Variants in GPC6 observed in about 807,000 individuals in gnomAD.
GPC6 encodes glypican-6.
Under a neutral mutation model 55.2 loss-of-function variants are expected in GPC6, and 14 were observed. The ratio of observed to expected loss-of-function variants is 0.25; its 90% CI spans 0.17 to 0.40. The LOEUF is 0.40. GPC6 is among the 10% of genes least tolerant of loss of function. The pLI is 1.00. For missense variants in GPC6, 641 were observed against 708.5 expected (o/e 0.90, Z 1.08); for synonymous variants, 278 against 259.6 (o/e 1.07, Z -0.68).
At chr13:93,459,826 A>T (rs1566368861) in intron 1 of GPC6, among the ~76,000 whole-genome samples, 1 of 152,210 alleles carries the variant, frequency 6.6e-6, no homozygotes, top group Non-Finnish European at 1.5e-5. Context: ...CTGGATTTTA[A>T]TAAGATATCA....
intron 1 of GPC6, among the ~76,000 whole-genome samples, chr13:93,533,043 T>C (rs7987887): frequency 0.18 from 27,118 of 152,200 alleles, 2,779 homozygotes; most frequent in East Asian, 0.29. Flanking sequence ...GGAAGATTTC[T>C]GATTATTGTG....
chr13:93,858,198 G>A (rs998351843), intron 3 of GPC6, among the ~76,000 whole-genome samples: 2 of 151,246 alleles, frequency 1.3e-5, no homozygotes, highest in African/African-American at 2.4e-5. Context: ...ATCTTTATTC[G>A]TACAATTAAA....
intron 4 of GPC6, among the ~76,000 whole-genome samples, chr13:94,028,709 C>G (rs1001272705): frequency 4.6e-5 from 7 of 152,140 alleles, no homozygotes; most frequent in Admixed American, 1.3e-4. Flanking sequence ...CTTCCAGTCT[C>G]TAGAGGGCAG....
chr13:93,724,994 G>A (rs1883584150), intron 2 of GPC6, among the ~76,000 whole-genome samples: 1 of 152,094 alleles, frequency 6.6e-6, no homozygotes, highest in African/African-American at 2.4e-5. Flanking sequence ...TTAAAAAAAA[G>A]TGCCTTCTGT....
intron 6 of GPC6, among the ~76,000 whole-genome samples, chr13:94,364,507 C>CAGTT (rs1219161599): frequency 6.6e-6 from 1 of 152,206 alleles, no homozygotes; most frequent in East Asian, 1.9e-4. Flanking sequence ...TAAGTACTTC[C>CAGTT]AGTTCCAAGT....
chr13:93,322,539 C>A (rs954162280), intron 1 of GPC6, among the ~76,000 whole-genome samples: 1 of 143,260 alleles, frequency 7.0e-6, no homozygotes, highest in Non-Finnish European at 1.5e-5. Flanking sequence ...TGGGTTCAAG[C>A]GATTCTCCTG....
intron 2 of GPC6, among the ~76,000 whole-genome samples, chr13:93,778,793 A>G (rs1032831997): frequency 6.6e-6 from 1 of 152,170 alleles, no homozygotes; most frequent in Non-Finnish European, 1.5e-5. Context: ...CATACAGCCA[A>G]GTCTTTCCCA....
intron 2 of GPC6, among the ~76,000 whole-genome samples, chr13:93,581,146 G>T (rs1876917906): frequency 1.3e-5 from 2 of 152,112 alleles, no homozygotes; most frequent in African/African-American, 4.8e-5. Context: ...AAACTAAAAA[G>T]GCTGACTCTC....
intron 4 of GPC6, among the ~76,000 whole-genome samples, chr13:94,281,509 C>T (rs1259212330): frequency 6.6e-6 from 1 of 152,172 alleles, no homozygotes; most frequent in Non-Finnish European, 1.5e-5. Flanking sequence ...CAGTGGCATT[C>T]AGCAAAGCCA....
At chr13:94,006,474 G>A (rs1046774394) in intron 3 of GPC6, among the ~76,000 whole-genome samples, 1 of 152,186 alleles carries the variant, frequency 6.6e-6, no homozygotes, top group African/African-American at 2.4e-5. Context: ...TCCAGAACAG[G>A]CAAGAATGTG....
At chr13:93,814,326 A>T (rs1886783491) in intron 2 of GPC6, among the ~76,000 whole-genome samples, 1 of 152,132 alleles carries the variant, frequency 6.6e-6, no homozygotes, top group Non-Finnish European at 1.5e-5. Context: ...TTAATTATTG[A>T]TTTTTATTTT....
At chr13:93,479,829 G>A (rs1879448295) in intron 1 of GPC6, among the ~76,000 whole-genome samples, 1 of 152,088 alleles carries the variant, frequency 6.6e-6, no homozygotes, top group Non-Finnish European at 1.5e-5. Flanking sequence ...ATAATCATAC[G>A]GTGTAGTCTT....
At chr13:94,097,109 A>G (rs1454080168) in intron 4 of GPC6, among the ~76,000 whole-genome samples, 1 of 152,032 alleles carries the variant, frequency 6.6e-6, no homozygotes, top group Non-Finnish European at 1.5e-5. Flanking sequence ...ATCTAGTATC[A>G]TTAACATTTG....
chr13:94,328,662 A>G (rs1180446427), intron 6 of GPC6, among the ~76,000 whole-genome samples: 1 of 152,356 alleles, frequency 6.6e-6, no homozygotes, highest in African/African-American at 2.4e-5. Flanking sequence ...TTGTATATAA[A>G]TTATAAACAA....
chr13:94,163,427 C>A (rs770620545), intron 4 of GPC6, among the ~76,000 whole-genome samples: 72 of 151,772 alleles, frequency 4.7e-4, no homozygotes, highest in Non-Finnish European at 9.6e-4. Flanking sequence ...GTATGTATCT[C>A]CAAGAAATAG....
At chr13:93,646,332 A>G (rs988013747) in intron 2 of GPC6, among the ~76,000 whole-genome samples, 9 of 152,164 alleles carry the variant, frequency 5.9e-5, no homozygotes, top group African/African-American at 2.2e-4. Context: ...TTCATTATAA[A>G]GTGAAGACGT....
chr13:93,742,174 T>C (rs926319953), intron 2 of GPC6, among the ~76,000 whole-genome samples: 3 of 152,174 alleles, frequency 2.0e-5, no homozygotes, highest in African/African-American at 7.2e-5. Context: ...GAGATCTGTC[T>C]TCAAACTGAA....
At chr13:93,358,180 C>G (rs1056514730) in intron 1 of GPC6, among the ~76,000 whole-genome samples, 1 of 151,994 alleles carries the variant, frequency 6.6e-6, no homozygotes, top group African/African-American at 2.4e-5. Flanking sequence ...GACGCTGTCT[C>G]TACAAAAAAT....
At chr13:94,289,081 GCC>G (rs1874798423) in intron 5 of GPC6, among the ~76,000 whole-genome samples, 1 of 150,414 alleles carries the variant, frequency 6.6e-6, no homozygotes, top group African/African-American at 2.4e-5. Context: ...CTAGAACACA[GCC>G]CAGCACTTGG....
Sources: gnomAD v4.1 joint callset for allele counts (sites outside exome capture counted in the v4.1 genomes callset) on GRCh38, gnomAD v4.1.1 for gene constraint, MANE v1.5 for transcripts, NCBI Gene and HGNC (gene_info 2026-07-23, HGNC 2026-07-21) for gene names.